Variants in STRIP2 observed in about 807,000 individuals in gnomAD.
The protein encoded by STRIP2 is striatin interacting protein 2.
A neutral mutation model predicts 107.1 loss-of-function variants in STRIP2; 84 were observed. The ratio of observed to expected loss-of-function variants is 0.78; its 90% CI spans 0.66 to 0.94. The LOEUF (loss-of-function observed/expected upper bound fraction) is 0.94. STRIP2 is among the 40% of genes least tolerant of loss of function. The pLI, the probability that STRIP2 is intolerant of heterozygous loss-of-function variation, is 0.00. For synonymous variants in STRIP2, 394 were observed against 400.4 expected (o/e 0.98, Z 0.19); for missense variants, 888 against 1,034.2 (o/e 0.86, Z 1.94).
At chr7:129,485,247 T>G (rs558722655) in intron 20 of STRIP2, among the ~76,000 whole-genome samples, 2 of 151,946 alleles carry the variant, frequency 1.3e-5, no homozygotes, top group South Asian at 2.1e-4. Flanking sequence ...AATAAGAAAG[T>G]GAAATAATAA....
chr7:129,464,534 C>T, intron 15 of STRIP2, 78 bp from the exon 16 acceptor site: 1 of 1,517,442 alleles, frequency 6.6e-7, no homozygotes, highest in Non-Finnish European at 9.0e-7. Context: ...TATATTGTAT[C>T]AGACCCAAAT....
chr7:129,465,945 C>G (rs1339498644), intron 16 of STRIP2, among the ~76,000 whole-genome samples: 4 of 152,164 alleles, frequency 2.6e-5, no homozygotes, highest in African/African-American at 9.7e-5. Context: ...TGTCCATGGC[C>G]CTATCAACCA....
At chr7:129,455,441 C>T in intron 8 of STRIP2, 70 bp downstream of exon 8, 3 of 1,543,984 alleles carry the variant, frequency 1.9e-6, no homozygotes, top group Non-Finnish European at 2.6e-6. Context: ...TTCTTCTAGT[C>T]TCATTCCAGG....
rs371261391 is a variant in STRIP2, at chr7:129,435,772, T to TATC, written c.129+1194_129+1196dup. 3.2e-3 allele frequency among the ~76,000 whole-genome samples: 486 copies of TATC among 152,144 alleles called. 4 individuals carry two copies. Among genetic ancestry groups the TATC allele is most frequent in the Non-Finnish European group, 5.4e-3 (364 of 67,966 alleles). On this transcript the variant is annotated intron_variant, in intron 1 of 20. Coordinates refer to ENST00000249344, the MANE Select transcript of STRIP2 (RefSeq NM_020704.3). ...TACATAGTAACTCTTAGTATATTGCTATCATCATCATCATCATCATCATCA... is the reference window on the plus strand; with the variant it reads ...TACATAGTAACTCTTAGTATATTGCTATCATCATCATCATCATCATCATCATCA...
intron 3 of STRIP2, among the ~76,000 whole-genome samples, chr7:129,449,656 A>C (rs1249205519): frequency 4.6e-5 from 7 of 152,298 alleles, no homozygotes; most frequent in Admixed American, 4.6e-4. Flanking sequence ...CCCCATTCCA[A>C]GTTTCAGGGT....
intron 3 of STRIP2, among the ~76,000 whole-genome samples, chr7:129,449,777 T>C (rs1446527825): frequency 6.6e-6 from 1 of 152,188 alleles, no homozygotes; most frequent in African/African-American, 2.4e-5. Flanking sequence ...TTGTGTCTGT[T>C]TTTCCACAAT....
chr7:129,436,468 C>T (rs1313287170), intron 1 of STRIP2, among the ~76,000 whole-genome samples: 1 of 152,194 alleles, frequency 6.6e-6, no homozygotes, highest in Non-Finnish European at 1.5e-5. Context: ...CGCGGTTTAC[C>T]TGCTGATTGT....
chr7:129,471,956 T>C (rs1331244873), intron 18 of STRIP2, among the ~76,000 whole-genome samples: 1 of 152,182 alleles, frequency 6.6e-6, no homozygotes, highest in Non-Finnish European at 1.5e-5. Flanking sequence ...TTATTTATGA[T>C]GCTATTCAGT....
intron 18 of STRIP2, 56 bp downstream of exon 18, chr7:129,470,771 T>C: frequency 6.8e-7 from 1 of 1,479,694 alleles, no homozygotes; most frequent in Non-Finnish European, 9.4e-7. Flanking sequence ...CAGGTTGGCA[T>C]TTGCTCTTTC....
chr7:129,457,247 A>G (rs1415638492), intron 9 of STRIP2, among the ~76,000 whole-genome samples: 2 of 152,252 alleles, frequency 1.3e-5, no homozygotes, highest in African/African-American at 4.8e-5. Flanking sequence ...GGTATAGCCT[A>G]CTGCACACCT....
chr7:129,449,092 C>G lies in STRIP2; in HGVS notation c.275-2521C>G, dbSNP rs557591349. On this transcript the variant is annotated intron_variant, in intron 3 of 20. Coordinates refer to ENST00000249344, the MANE Select transcript of STRIP2 (RefSeq NM_020704.3). ...TCTTTTAATCCATAATTCAGCTGACCAAATAAACTATTAGAACCTTTTTTA... is the reference window on the plus strand; with the variant it reads ...TCTTTTAATCCATAATTCAGCTGACGAAATAAACTATTAGAACCTTTTTTA... Among the ~76,000 whole-genome samples, 4 of 152,132 alleles carry G rather than the reference C, an allele frequency of 2.6e-5. No homozygotes were observed. The East Asian group carries it at 7.7e-4, about 29-fold the overall frequency.
In STRIP2 at chr7:129,458,455, G is replaced by A; in HGVS notation, c.1274+5G>A. ...GCCCTGGGCCCCAAAGGTCAGGTAG[G>A]TTTGATAGCATCAGGGACCCCTATG... On this transcript the variant is annotated splice_donor_5th_base_variant and intron_variant, in intron 10 of 20. Coordinates refer to ENST00000249344, the MANE Select transcript of STRIP2 (RefSeq NM_020704.3). The surrounding 1 kb of genome is among the most constrained non-coding windows in gnomAD (Gnocchi z 4.6). The A allele has an allele frequency of 6.4e-7, 1 of 1,566,316 alleles. No individual in the cohort carries two copies. The highest frequency in any genetic ancestry group is 8.6e-7 in the Non-Finnish European group (1 of 1,157,086).
rs185756545 is a variant in STRIP2, at chr7:129,445,704, G to A, written c.274+1606G>A. Among the ~76,000 whole-genome samples, 378 of 152,314 alleles carry A rather than the reference G, an allele frequency of 2.5e-3. 2 individuals carry two copies. Among genetic ancestry groups the A allele is most frequent in the African/African-American group, 7.6e-3 (315 of 41,568 alleles). On this transcript the variant is annotated intron_variant, in intron 3 of 20. Coordinates refer to ENST00000249344, the MANE Select transcript of STRIP2 (RefSeq NM_020704.3). Reference sequence around the variant, plus strand: ...GCCATTTCACCGTTCTATCAATCCAGCTGCTTCAGGATGATGGGGAACATG... The same window carrying A: ...GCCATTTCACCGTTCTATCAATCCAACTGCTTCAGGATGATGGGGAACATG...
chr7:129,452,661 A>G (rs1016657292), intron 4 of STRIP2, among the ~76,000 whole-genome samples: 8 of 152,238 alleles, frequency 5.3e-5, no homozygotes, highest in Non-Finnish European at 4.4e-5. Context: ...AGCTAGGATT[A>G]TAGGCATGTG....
At chr7:129,476,235 G>C (rs1170140302) in intron 18 of STRIP2, among the ~76,000 whole-genome samples, 2 of 151,158 alleles carry the variant, frequency 1.3e-5, no homozygotes, top group African/African-American at 2.4e-5. Context: ...GCCGGGCGGG[G>C]GCTGCCCCCC....
intron 1 of STRIP2, among the ~76,000 whole-genome samples, chr7:129,436,230 A>G (rs766543467): frequency 2.2e-4 from 34 of 152,224 alleles, no homozygotes; most frequent in Non-Finnish European, 4.1e-4. Context: ...AGTGAACAAG[A>G]TAGGGTCTTC....
Position 129,456,602 on chromosome 7 carries a change from C to CCCCA in STRIP2, c.1002_1005dup (p.Ser336ThrfsTer17). 1.9e-6 allele frequency: 3 copies of CCCCA among 1,614,046 alleles called. No individual in the cohort carries two copies. The highest frequency in any genetic ancestry group is 2.5e-6 in the Non-Finnish European group (3 of 1,180,008). On this transcript the variant is annotated frameshift_variant, in exon 9 of 21. Transcript: ENST00000249344. LOFTEE classifies it high-confidence loss of function. ...GACCTGGGAGAGTCTCAGCTGGCAC[C>CCCCA]CCCACCCTCCAAGCTGCGAGGCCGC...
Position 129,483,227 on chromosome 7 carries a change from A to T in STRIP2, c.2254+181A>T. 1 of 1,347,482 alleles carries T rather than the reference A, an allele frequency of 7.4e-7. No individual in the cohort carries two copies. The highest frequency in any genetic ancestry group is 2.3e-5 in the South Asian group (1 of 43,732). The allele number at this position is 1,347,482 out of a possible 1,614,324, so 83.5% of individuals were successfully genotyped here. A position where few individuals can be genotyped will look rare whatever the true frequency, so the allele number is the denominator to read the frequency against. On this transcript the variant is annotated intron_variant, in intron 20 of 20. Coordinates refer to ENST00000249344, the MANE Select transcript of STRIP2 (RefSeq NM_020704.3). The surrounding 1 kb of genome is among the most constrained non-coding windows in gnomAD (Gnocchi z 5.1). ...GGTTATGCCTCAAATTCTAGTATGT[A>T]CCCTTGTCCTATGTAAACTATGAAA...
chr7:129,472,063 C>G (rs1267896243), intron 18 of STRIP2, among the ~76,000 whole-genome samples: 2 of 152,076 alleles, frequency 1.3e-5, no homozygotes. Flanking sequence ...GTTAGTATTA[C>G]TATTTTATAG....
Sources: gnomAD v4.1 joint callset for allele counts (sites outside exome capture counted in the v4.1 genomes callset) on GRCh38, gnomAD v4.1.1 for gene constraint, Gnocchi (gnomAD v3.1) non-coding constraint, MANE v1.5 for transcripts, NCBI Gene and HGNC (gene_info 2026-07-23, HGNC 2026-07-21) for gene names.